HMCN2: variants seen among roughly 807,000 people sequenced by gnomAD.
The protein encoded by HMCN2 is hemicentin-2.
HMCN2 carries 325 observed loss-of-function variants against 377.5 expected under a neutral mutation model. That is an observed-to-expected ratio of 0.86 (90% confidence interval 0.79 to 0.94). The LOEUF (loss-of-function observed/expected upper bound fraction) is 0.94. Among genes scored for constraint, HMCN2 ranks in the 40% least tolerant of loss-of-function variants. The pLI is 0.00. For missense variants in HMCN2, 4,543 were observed against 4,725.3 expected (o/e 0.96, Z 1.13); for synonymous variants, 2,007 against 2,046.8 (o/e 0.98, Z 0.53).
rs1483986144 is a variant in HMCN2 at position 130,360,285 on chromosome 9, A to ACCCTTGCTTCTCTCTTCCATTCC, written c.5774-135_5774-113dup. 4.0e-6 allele frequency: 2 copies of ACCCTTGCTTCTCTCTTCCATTCC among 500,158 alleles called. No individual in the cohort carries two copies. The highest frequency in any genetic ancestry group is 6.6e-6 in the Non-Finnish European group (2 of 304,288). 31.0% of individuals were successfully genotyped at this position (500,158 alleles called of 1,614,324 possible). A position where few individuals can be genotyped will look rare whatever the true frequency, so the allele number is the denominator to read the frequency against. On this transcript the variant is annotated intron_variant, in intron 37 of 97. Coordinates refer to ENST00000683500, the MANE Select transcript of HMCN2 (RefSeq NM_001291815.2). This position sits in a 1 kb window ranked among gnomAD's most constrained non-coding sequence, Gnocchi z 4.7. The stretch of plus-strand genomic sequence containing the variant: ...CAGCAGAGTCTGACGGGCTGGCAGC[A>ACCCTTGCTTCTCTCTTCCATTCC]CCCTTGCTTCTCTCTTCCATTCCCC...
At position 130,418,926 on chromosome 9, in the gene HMCN2, G is replaced by A; in HGVS notation, c.13116G>A (p.Leu4372=). 3 of 1,545,806 alleles carry A rather than the reference G, an allele frequency of 1.9e-6. No homozygotes were observed. Among genetic ancestry groups the A allele is most frequent in the Non-Finnish European group, 2.6e-6 (3 of 1,144,588 alleles). ...PLRASRRLRT[L]PDGSLWLENV... is the part of the protein sequence containing the mutation. ...GGGCCAGCCGGCGGCTCCGGACCCTGCCCGATGGGAGCCTGTGGCTGGAGA... is the reference window on the plus strand; with the variant it reads ...GGGCCAGCCGGCGGCTCCGGACCCTACCCGATGGGAGCCTGTGGCTGGAGA... The change falls in exon 86 of 98, where the codon CTG becomes CTA. Residue 4372 remains leucine (L), a synonymous_variant. Transcript: ENST00000683500.
chr9:130,317,328 T>C (rs1837610890), intron 15 of HMCN2, among the ~76,000 whole-genome samples: 1 of 152,062 alleles, frequency 6.6e-6, no homozygotes, highest in South Asian at 2.1e-4. Flanking sequence ...ATGAGTGAAA[T>C]TATGGTTACA....
rs1840596314 is a variant in HMCN2 at position 130,364,699 on chromosome 9, T to C, written c.6233-15T>C. The C allele has an allele frequency of 1.0e-6, 1 of 985,708 alleles. No homozygotes were observed. Among genetic ancestry groups the C allele is most frequent in the African/African-American group, 1.7e-5 (1 of 57,344 alleles). 61.1% of individuals were successfully genotyped at this position (985,708 alleles called of 1,614,324 possible). A position where few individuals can be genotyped will look rare whatever the true frequency, so the allele number is the denominator to read the frequency against. ...CATGTGCCTGAGGGAGCCCTTCTCC[T>C]GCCCCCTCCTGCAGTGCCCCCGAGT... is the stretch of plus-strand genomic sequence containing the variant. On this transcript the variant is annotated splice_polypyrimidine_tract_variant and intron_variant, in intron 40 of 97. Transcript: ENST00000683500.
intron 15 of HMCN2, among the ~76,000 whole-genome samples, chr9:130,315,516 G>A (rs1327744611): frequency 6.7e-6 from 1 of 150,204 alleles, no homozygotes; most frequent in Non-Finnish European, 1.5e-5. Context: ...ACAAATGTGA[G>A]CCAAGTGAGT....
At position 130,302,984 on chromosome 9, in the gene HMCN2, C is replaced by G. The variant is rs782817220; in HGVS notation, c.1404C>G (p.Gly468=). Residue 468 remains glycine, a synonymous_variant, in exon 9 of 98, where the codon GGC becomes GGG. Transcript: ENST00000683500. ...TGCGGCGAGGTGAAGCCAGGCTGGG[C>G]GAAGAGAGGCACTTTCAGTGAGTGG... The part of the protein sequence containing the change: ...LQLRRGEARL[G]EERHFQESGN... 6.4e-6 allele frequency: 3 copies of G among 469,726 alleles called. No individual in the cohort carries two copies. Among genetic ancestry groups the G allele is most frequent in the Non-Finnish European group, 1.3e-5 (3 of 226,454 alleles). The allele number at this position is 469,726 out of a possible 1,614,324, so 29.1% of individuals were successfully genotyped here.
intron 81 of HMCN2, among the ~76,000 whole-genome samples, 153 bp from the exon 82 acceptor site, chr9:130,405,802 G>T (rs1757019158): frequency 6.6e-6 from 1 of 152,226 alleles, no homozygotes; most frequent in African/African-American, 2.4e-5. Flanking sequence ...GGGCACGGTG[G>T]TGATGCTGAC....
intron 71 of HMCN2, 132 bp from the exon 72 acceptor site, chr9:130,395,792 C>A: frequency 2.1e-6 from 2 of 960,612 alleles, no homozygotes; most frequent in Non-Finnish European, 2.7e-6. Flanking sequence ...ACAGTCAGGG[C>A]CTGCGGTCAG....
intron 15 of HMCN2, among the ~76,000 whole-genome samples, chr9:130,315,801 T>C (rs1332172914): frequency 6.6e-6 from 1 of 152,156 alleles, no homozygotes; most frequent in Non-Finnish European, 1.5e-5. Flanking sequence ...TCAGGTCCTC[T>C]CGTGGCCTTT....
intron 62 of HMCN2, among the ~76,000 whole-genome samples, chr9:130,390,115 C>T (rs1052250184): frequency 1.3e-5 from 2 of 152,214 alleles, no homozygotes; most frequent in African/African-American, 2.4e-5. Context: ...CCTCCCTTTG[C>T]GTCCAGCTCT....
chr9:130,341,271 C>T lies in HMCN2; in HGVS notation c.3648C>T (p.Phe1216=), dbSNP rs1839033296. 2 of 152,408 alleles carry T rather than the reference C, an allele frequency of 1.3e-5. No individual in the cohort carries two copies. The highest frequency in any genetic ancestry group is 2.4e-5 in the African/African-American group (1 of 41,580). The allele number at this position is 152,408 out of a possible 1,614,324, so 9.4% of individuals were successfully genotyped here. A position where few individuals can be genotyped will look rare whatever the true frequency, so the allele number is the denominator to read the frequency against. Residue 1216 remains phenylalanine (F), a synonymous_variant, in exon 24 of 98, where the codon TTC becomes TTT. Coordinates refer to ENST00000683500, the MANE Select transcript of HMCN2 (RefSeq NM_001291815.2). The stretch of plus-strand genomic sequence containing the variant: ...GGGGGCCTCAGGGCTCCGTCCACTT[C>T]GCAGCCATCAGAACCTCTGATGCCG... The part of the protein sequence containing the change: ...QGRGPQGSVH[F]AAIRTSDAGR...
At chr9:130,402,312 T>G (rs1198826708) in intron 77 of HMCN2, among the ~76,000 whole-genome samples, 1 of 152,176 alleles carries the variant, frequency 6.6e-6, no homozygotes, top group Admixed American at 6.5e-5. Context: ...GCCTGCAGTC[T>G]GGGAAGGTTA....
chr9:130,389,930 A>C (rs771890712), intron 62 of HMCN2, among the ~76,000 whole-genome samples: 5 of 152,170 alleles, frequency 3.3e-5, no homozygotes, highest in Non-Finnish European at 7.4e-5. Flanking sequence ...TCTGTGGCTG[A>C]ATATTCCATT....
chr9:130,345,202 T>TA (rs2131496132), intron 25 of HMCN2, among the ~76,000 whole-genome samples: 1 of 145,194 alleles, frequency 6.9e-6, no homozygotes, highest in East Asian at 2.1e-4. Flanking sequence ...TGGTTTGTGG[T>TA]ATGTATTGTG....
chr9:130,384,867 C>G (rs915030263), intron 59 of HMCN2, 69 bp downstream of exon 59: 1 of 1,045,166 alleles, frequency 9.6e-7, no homozygotes, highest in African/African-American at 1.6e-5. Flanking sequence ...CCATACTCCC[C>G]CAGAGAACAT....
chr9:130,344,275 AGTGT>A (rs1478419143), intron 25 of HMCN2, among the ~76,000 whole-genome samples: 1 of 151,582 alleles, frequency 6.6e-6, no homozygotes, highest in Non-Finnish European at 1.5e-5. Context: ...GCGAATGTGT[AGTGT>A]GTGTATGTGG....
rs1410193294 is a variant in HMCN2, at chr9:130,308,289, C to T, written c.2200+723C>T. Among the ~76,000 whole-genome samples, 1 of 152,194 alleles carries T rather than the reference C, an allele frequency of 6.6e-6. No individual in the cohort carries two copies. The highest frequency in any genetic ancestry group is 1.5e-5 in the Non-Finnish European group (1 of 68,030). ...CAAAGGTTTTAGAACAAGCTTGGCA[C>T]ATGTGCTGTGCTTGGCATTCTTAGT... On this transcript the variant is annotated intron_variant, in intron 14 of 97. Coordinates refer to ENST00000683500, the MANE Select transcript of HMCN2 (RefSeq NM_001291815.2). This position sits in a 1 kb window ranked among gnomAD's most constrained non-coding sequence, Gnocchi z 4.1.
At chr9:130,280,140 G>T (rs1835027637) in intron 1 of HMCN2, among the ~76,000 whole-genome samples, 1 of 117,730 alleles carries the variant, frequency 8.5e-6, no homozygotes, top group Non-Finnish European at 1.7e-5. Context: ...CCATAGCTGT[G>T]TGTGTGTGTG....
chr9:130,407,501 G>A (rs1277028489), intron 82 of HMCN2, 70 bp from the exon 83 acceptor site: 1 of 1,240,040 alleles, frequency 8.1e-7, no homozygotes, highest in Non-Finnish European at 1.0e-6. Flanking sequence ...AGTTCCTGCA[G>A]GTACCCAGGC....
In HMCN2 at chr9:130,354,820, G is replaced by C; in HGVS notation, c.4922G>C (p.Gly1641Ala). Residue 1641 changes from glycine to alanine, a missense_variant, in exon 32 of 98, where the codon GGG (glycine) becomes GCG (alanine). Gly to Ala is a moderately conservative substitution (Grantham distance 60). Transcript: ENST00000683500. ...GRPYVVKAVA[G>A]RPVALECVAR... ...CCATACGTGGTGAAGGCTGTGGCTG[G>C]GAGGCCTGTGGCGCTGGAGTGCGTG... 2.3e-6 allele frequency: 3 copies of C among 1,304,194 alleles called. No homozygotes were observed. The highest frequency in any genetic ancestry group is 3.0e-6 in the Non-Finnish European group (3 of 988,892). 80.8% of individuals were successfully genotyped at this position (1,304,194 alleles called of 1,614,324 possible).
Sources: gnomAD v4.1 joint callset for allele counts (sites outside exome capture counted in the v4.1 genomes callset) on GRCh38, gnomAD v4.1.1 for gene constraint, Gnocchi (gnomAD v3.1) non-coding constraint, MANE v1.5 for transcripts, NCBI Gene and HGNC (gene_info 2026-07-23, HGNC 2026-07-21) for gene names.